Variants in PPP1R1C observed in about 807,000 individuals in gnomAD.
PPP1R1C encodes the protein protein phosphatase 1 regulatory inhibitor subunit 1C, also known as protein phosphatase 1 regulatory subunit 1C.
In PPP1R1C, 15 loss-of-function variants were observed where a neutral mutation model predicts 17.4. That is an observed-to-expected ratio of 0.86 (90% CI 0.58 to 1.33). The LOEUF (loss-of-function observed/expected upper bound fraction) is 1.33. Among genes scored for constraint, PPP1R1C ranks in the 40% most tolerant of loss-of-function variants. The pLI is 0.00. For synonymous variants in PPP1R1C, 35 were observed against 43.1 expected, an observed-to-expected ratio of 0.81 and a Z score of 0.73; for missense variants, 143 against 130.0, an observed-to-expected ratio of 1.10 and a Z score of -0.48.
At position 181,989,303 on chromosome 2, in the gene PPP1R1C, C is replaced by G. The variant is rs142012608; in HGVS notation, c.142+1404C>G. Among the ~76,000 whole-genome samples, 70 of 152,276 alleles carry G rather than the reference C, an allele frequency of 4.6e-4. No homozygotes were observed. In the East Asian group the frequency reaches 0.013, roughly 29 times the overall value. ...TGACCTTCATCCTCTCATTTGAACT[C>G]CCAAAATAGCAGCTACATTCTCTTG... On this transcript the variant is annotated intron_variant, in intron 2 of 4. Coordinates refer to ENST00000682840, the MANE Select transcript of PPP1R1C (RefSeq NM_001080545.3).
At chr2:181,969,224 T>C (rs1377665411) in intron 1 of PPP1R1C, among the ~76,000 whole-genome samples, 3 of 152,330 alleles carry the variant, frequency 2.0e-5, no homozygotes, top group South Asian at 2.1e-4. Context: ...TTCTTATTGC[T>C]ATTAATGTCT....
At chr2:182,105,684 G>C (rs1689224320) in intron 4 of PPP1R1C, among the ~76,000 whole-genome samples, 1 of 152,200 alleles carries the variant, frequency 6.6e-6, no homozygotes, top group Non-Finnish European at 1.5e-5. Flanking sequence ...AAGAAAGGAA[G>C]ATTTGATATA....
At chr2:182,123,480 G>T (rs1559102546) in intron 5 of PPP1R1C, among the ~76,000 whole-genome samples, 1 of 152,160 alleles carries the variant, frequency 6.6e-6, no homozygotes, top group Non-Finnish European at 1.5e-5. Flanking sequence ...CAATGTAAAA[G>T]TGTTCCTATT....
chr2:182,100,425 G>A (rs1305973869), intron 4 of PPP1R1C, among the ~76,000 whole-genome samples: 3 of 151,542 alleles, frequency 2.0e-5, no homozygotes, highest in African/African-American at 4.9e-5. Flanking sequence ...CAGGAGAATC[G>A]CTTGAACCTG....
chr2:182,004,183 G>A (rs1223297632), intron 2 of PPP1R1C, among the ~76,000 whole-genome samples: 4 of 152,150 alleles, frequency 2.6e-5, no homozygotes, highest in African/African-American at 4.8e-5. Flanking sequence ...GTGTTTAGGG[G>A]CAGACATCTC....
intron 4 of PPP1R1C, chr2:182,103,702 A>G (rs1007871638): frequency 6.6e-6 from 1 of 152,194 alleles, no homozygotes; most frequent in Admixed American, 6.6e-5. Context: ...TCAGAGTGTA[A>G]ACTGCATGTC....
At chr2:182,076,012 A>C (rs1182084839) in intron 4 of PPP1R1C, among the ~76,000 whole-genome samples, 4 of 151,864 alleles carry the variant, frequency 2.6e-5, no homozygotes, top group Non-Finnish European at 5.9e-5. Context: ...TTTTTTTAGT[A>C]TATGCTTATA....
chr2:181,991,861 G>A (rs1350268252), intron 2 of PPP1R1C, among the ~76,000 whole-genome samples: 1 of 151,920 alleles, frequency 6.6e-6, no homozygotes, highest in Non-Finnish European at 1.5e-5. Context: ...GAACTGGTTT[G>A]GTTCCTATAT....
chr2:182,100,435 GGGAGGT>G (rs1026191838), intron 4 of PPP1R1C, among the ~76,000 whole-genome samples: 3 of 151,880 alleles, frequency 2.0e-5, no homozygotes, highest in African/African-American at 7.3e-5. Context: ...GCTTGAACCT[GGGAGGT>G]GGAGGTTGCA....
upstream of PPP1R1C, among the ~76,000 whole-genome samples, chr2:181,982,747 A>G (rs542732734): frequency 2.0e-5 from 3 of 152,276 alleles, no homozygotes; most frequent in South Asian, 6.2e-4. Context: ...GGCAGCCTGT[A>G]GGAGGGTCTT....
Position 181,961,200 on chromosome 2 carries a change from T to C in PPP1R1C, n.111+6566T>C, listed in dbSNP as rs1684775620. On this transcript the variant is annotated intron_variant and non_coding_transcript_variant, in intron 1 of 5. Transcript: ENST00000464264. This position sits in a 1 kb window ranked among gnomAD's most constrained non-coding sequence, Gnocchi z 5.8. ...TCCCCAAAGGGTACCCTGCTTCTGC[T>C]GGCTTGATGTCTTAGAACTTTGGTG... The C allele has an allele frequency of 1.1e-6, 1 of 888,750 alleles. No homozygotes were observed. The highest frequency in any genetic ancestry group is 1.8e-6 in the Non-Finnish European group (1 of 540,658). The allele number at this position is 888,750 out of a possible 1,614,324, so 55.1% of individuals were successfully genotyped here.
At chr2:182,090,181 T>C (rs1181021262) in intron 4 of PPP1R1C, among the ~76,000 whole-genome samples, 1 of 152,144 alleles carries the variant, frequency 6.6e-6, no homozygotes, top group Non-Finnish European at 1.5e-5. Context: ...TGTGTACAGA[T>C]GAATGCTAAT....
At chr2:182,126,543 A>G (rs553516366) in intron 5 of PPP1R1C, among the ~76,000 whole-genome samples, 2 of 152,200 alleles carry the variant, frequency 1.3e-5, no homozygotes, top group African/African-American at 2.4e-5. Context: ...TTGGTTTTAA[A>G]TGACATTTTA....
At chr2:182,126,375 A>C (rs747371021) in intron 5 of PPP1R1C, among the ~76,000 whole-genome samples, 3 of 152,052 alleles carry the variant, frequency 2.0e-5, no homozygotes, top group Non-Finnish European at 4.4e-5. Flanking sequence ...CCAGTCCTCA[A>C]AGCTCCATTA....
chr2:182,017,470 A>G (rs57243191), intron 2 of PPP1R1C, among the ~76,000 whole-genome samples: 8,684 of 152,162 alleles, frequency 0.057, 858 homozygotes, highest in African/African-American at 0.2. Context: ...TATATGGCTT[A>G]AAGTTTGTAT....
intron 1 of PPP1R1C, among the ~76,000 whole-genome samples, chr2:181,956,220 A>G (rs1476459754): frequency 6.6e-6 from 1 of 152,212 alleles, no homozygotes; most frequent in Non-Finnish European, 1.5e-5. Flanking sequence ...CTTGCAAAGG[A>G]CATGAACTCA....
chr2:182,038,700 A>G (rs544993981), intron 2 of PPP1R1C, among the ~76,000 whole-genome samples: 1 of 152,334 alleles, frequency 6.6e-6, no homozygotes, highest in African/African-American at 2.4e-5. Flanking sequence ...ATGGATTTAA[A>G]AAAGCAATAG....
In PPP1R1C at chr2:182,088,117, A is replaced by G. The variant is rs184329773; in HGVS notation, c.241+24326A>G. On this transcript the variant is annotated intron_variant, in intron 4 of 4. Transcript: ENST00000682840. ...CATGGAAGTTTCCCTCTGACTTTTT[A>G]TTTTGAAAAATTTAAAGCCTACATC... Among the ~76,000 whole-genome samples the G allele has an allele frequency of 4.2e-4, 64 of 151,024 alleles. No individual in the cohort carries two copies. The East Asian group carries it at 0.01, about 24-fold the overall frequency.
In PPP1R1C at chr2:182,000,321, GA is replaced by G. The variant is rs1200857197; in HGVS notation, c.142+12425del. 2.6e-5 allele frequency among the ~76,000 whole-genome samples: 4 copies of G among 152,290 alleles called. No homozygotes were observed. The East Asian group carries it at 5.8e-4, about 22-fold the overall frequency. On this transcript the variant is annotated intron_variant, in intron 2 of 4. Transcript: ENST00000682840. ...AAACGGGGTTGGTCTAAAGTGTGGG[GA>G]AAGGTGATTGTTGGGTAGGAAAGGT...
Sources: gnomAD v4.1 joint callset for allele counts (sites outside exome capture counted in the v4.1 genomes callset) on GRCh38, gnomAD v4.1.1 for gene constraint, Gnocchi (gnomAD v3.1) non-coding constraint, MANE v1.5 for transcripts, NCBI Gene and HGNC (gene_info 2026-07-23, HGNC 2026-07-21) for gene names.